Variants in EFCAB3 observed in about 807,000 individuals in gnomAD.
EFCAB3 encodes the protein EF-hand calcium binding domain 3.
In EFCAB3, 36 loss-of-function variants were observed where a neutral mutation model predicts 42.2. The ratio of observed to expected loss-of-function variants is 0.85; its 90% CI spans 0.65 to 1.13. The LOEUF (loss-of-function observed/expected upper bound fraction) is 1.13. EFCAB3 is among the 50% of genes most tolerant of loss of function. The pLI, the probability that EFCAB3 is intolerant of heterozygous loss-of-function variation, is 0.00. For synonymous variants in EFCAB3, 170 were observed against 172.8 expected (o/e 0.98, Z 0.13); for missense variants, 418 against 505.1 (o/e 0.83, Z 1.65).
intron 6 of EFCAB3, among the ~76,000 whole-genome samples, chr17:62,403,345 T>A (rs1285476574): frequency 1.3e-5 from 2 of 152,186 alleles, no homozygotes; most frequent in Non-Finnish European, 2.9e-5. Flanking sequence ...AACACCCTAG[T>A]GTAAGAAAGT....
At chr17:62,394,970 C>A in intron 5 of EFCAB3, 98 bp from the exon 6 acceptor site, 1 of 1,477,754 alleles carries the variant, frequency 6.8e-7, no homozygotes, top group African/African-American at 1.4e-5. Flanking sequence ...CCTCTAGTTC[C>A]TGACTTGATA....
intron 8 of EFCAB3, among the ~76,000 whole-genome samples, chr17:62,412,352 A>G (rs1598023143): frequency 7.7e-6 from 1 of 129,918 alleles, no homozygotes; most frequent in African/African-American, 3.1e-5. Context: ...CTCCAGCGAG[A>G]CTCTGTCTCA....
upstream of EFCAB3, among the ~76,000 whole-genome samples, chr17:62,377,666 T>C (rs1344884124): frequency 2.0e-5 from 3 of 152,306 alleles, no homozygotes; most frequent in African/African-American, 7.2e-5. Flanking sequence ...TAACAGATCA[T>C]CTTCCTCCTG....
intron 1 of EFCAB3, among the ~76,000 whole-genome samples, 186 bp from the exon 2 acceptor site, chr17:62,382,777 A>G (rs367785375): frequency 1.3e-5 from 2 of 152,226 alleles, no homozygotes; most frequent in Admixed American, 6.5e-5. Context: ...GAAATCGGGA[A>G]CAACGAAGGG....
At chr17:62,379,592 T>G (rs371398984), upstream of EFCAB3, among the ~76,000 whole-genome samples, 29 of 152,236 alleles carry the variant, frequency 1.9e-4, no homozygotes, top group African/African-American at 7.0e-4. Flanking sequence ...CAAATTATGC[T>G]CATAATGAAC....
chr17:62,392,676 T>C (rs2070314117), intron 4 of EFCAB3, among the ~76,000 whole-genome samples: 1 of 152,050 alleles, frequency 6.6e-6, no homozygotes, highest in South Asian at 2.1e-4. Flanking sequence ...CTTGCTCTGT[T>C]GCCCAGGCTG....
intron 2 of EFCAB3, among the ~76,000 whole-genome samples, chr17:62,387,129 G>A (rs2070258995): frequency 6.6e-6 from 1 of 152,088 alleles, no homozygotes; most frequent in Admixed American, 6.6e-5. Flanking sequence ...TGATGGGCAA[G>A]TTTAGGGCAG....
chr17:62,383,451 TG>T (rs2070221593), intron 2 of EFCAB3, among the ~76,000 whole-genome samples: 1 of 152,122 alleles, frequency 6.6e-6, no homozygotes, highest in African/African-American at 2.4e-5. Context: ...TCCAGCCTGG[TG>T]ACAGAGCAAG....
At chr17:62,400,613 T>A (rs1323067835) in intron 6 of EFCAB3, among the ~76,000 whole-genome samples, 1 of 152,220 alleles carries the variant, frequency 6.6e-6, no homozygotes, top group African/African-American at 2.4e-5. Flanking sequence ...CACATTTTCT[T>A]AATCCAGTCT....
chr17:62,393,142 A>G (rs550991065), intron 4 of EFCAB3, among the ~76,000 whole-genome samples: 151 of 152,278 alleles, frequency 9.9e-4, no homozygotes, highest in African/African-American at 3.5e-3. Context: ...AAAATTTTCT[A>G]TTATTTCATG....
At chr17:62,387,220 A>T in intron 2 of EFCAB3, 120 bp from the exon 3 acceptor site, 1 of 648,612 alleles carries the variant, frequency 1.5e-6, no homozygotes. Flanking sequence ...CCCTTAGGAT[A>T]GTAGACTGGA....
At chr17:62,391,738 A>G (rs1326574525) in intron 3 of EFCAB3, 84 bp from the exon 4 acceptor site, 1 of 1,332,588 alleles carries the variant, frequency 7.5e-7, no homozygotes, top group Non-Finnish European at 1.0e-6. Flanking sequence ...ATCTCCAGTC[A>G]ACTATATTGT....
chr17:62,373,578 G>A (rs192652150), intron 1 of EFCAB3, among the ~76,000 whole-genome samples: 67 of 151,786 alleles, frequency 4.4e-4, no homozygotes, highest in Middle Eastern at 3.5e-3. Context: ...CCATAATCAC[G>A]CCATGCACTC....
chr17:62,413,091 G>GATACAATTGTCATTGATACAAAAATGCAT (rs2070513730), intron 8 of EFCAB3, among the ~76,000 whole-genome samples: 1 of 152,120 alleles, frequency 6.6e-6, no homozygotes, highest in Admixed American at 6.6e-5. Flanking sequence ...CTCCCTAACT[G>GATACAATTGTCATTGATACAAAAATGCAT]TGATACAAAA....
At position 62,413,724 on chromosome 17, in the gene EFCAB3, G is replaced by T; in HGVS notation, c.868-8G>T. 1 of 1,586,896 alleles carries T rather than the reference G, an allele frequency of 6.3e-7. No individual in the cohort carries two copies. The highest frequency in any genetic ancestry group is 8.6e-7 in the Non-Finnish European group (1 of 1,167,630). ...ATTACTAACCTTCTTTTTTAAATATGCATAAAGGCAGCAAATATAAAGTCT... is the reference window on the plus strand; with the variant it reads ...ATTACTAACCTTCTTTTTTAAATATTCATAAAGGCAGCAAATATAAAGTCT... On this transcript the variant is annotated splice_polypyrimidine_tract_variant and splice_region_variant and intron_variant, in intron 8 of 9. Coordinates refer to ENST00000305286, the MANE Select transcript of EFCAB3 (RefSeq NM_173503.4).
At chr17:62,372,076 C>T (rs1003771474) in intron 1 of EFCAB3, among the ~76,000 whole-genome samples, 6 of 152,178 alleles carry the variant, frequency 3.9e-5, no homozygotes, top group African/African-American at 1.4e-4. Context: ...AGGAGACATA[C>T]TTCGCTTTCT....
At chr17:62,388,973 A>G (rs568718414) in intron 3 of EFCAB3, among the ~76,000 whole-genome samples, 1 of 152,358 alleles carries the variant, frequency 6.6e-6, no homozygotes, top group South Asian at 2.1e-4. Context: ...CGCAGAAATG[A>G]TGGCCACAAA....
At chr17:62,400,784 G>T (rs1269184301) in intron 6 of EFCAB3, among the ~76,000 whole-genome samples, 1 of 152,070 alleles carries the variant, frequency 6.6e-6, no homozygotes, top group Non-Finnish European at 1.5e-5. Context: ...TCTATTTCTA[G>T]ATCCTTGAGG....
chr17:62,400,593 G>A (rs1335850964), intron 6 of EFCAB3, among the ~76,000 whole-genome samples: 2 of 152,186 alleles, frequency 1.3e-5, no homozygotes, highest in Non-Finnish European at 2.9e-5. Flanking sequence ...ATCCCATGGT[G>A]TATATGTGCC....
Sources: allele counts gnomAD v4.1 joint callset (sites outside exome capture counted in the v4.1 genomes callset), GRCh38; gene constraint gnomAD v4.1.1; transcripts MANE v1.5; gene names NCBI Gene and HGNC (gene_info 2026-07-23, HGNC 2026-07-21).